ABCD3: variants seen among roughly 807,000 people sequenced by gnomAD.
ABCD3 encodes ATP-binding cassette sub-family D member 3.
A neutral mutation model predicts 105.5 loss-of-function variants in ABCD3; 41 were observed. That is an observed-to-expected ratio of 0.39 (90% CI 0.30 to 0.50). ABCD3 has a LOEUF of 0.50. Ranked by LOEUF, ABCD3 falls within the 20% of genes least tolerant of loss-of-function variation. ABCD3 has a pLI of 0.84. For synonymous variants in ABCD3, 258 were observed against 269.0 expected, an observed-to-expected ratio of 0.96 and a Z score of 0.40; for missense variants, 622 against 806.3, an observed-to-expected ratio of 0.77 and a Z score of 2.77.
chr1:94,515,848 CTTCCT>C (rs1650895621), intron 22 of ABCD3, among the ~76,000 whole-genome samples: 1 of 151,038 alleles, frequency 6.6e-6, no homozygotes. Context: ...TCCTTTCTTC[CTTCCT>C]TTCTTTTCTT....
chr1:94,418,944 CT>C, intron 1 of ABCD3: 1 of 341,576 alleles, frequency 2.9e-6, no homozygotes, highest in South Asian at 3.2e-5. Flanking sequence ...TCTGTGTCAA[CT>C]TTCTGGGTGT....
chr1:94,454,537 A>G (rs974014687), intron 1 of ABCD3, among the ~76,000 whole-genome samples: 22 of 152,150 alleles, frequency 1.4e-4, no homozygotes, highest in African/African-American at 4.8e-4. Flanking sequence ...GGGTCAGAGA[A>G]AGGGTAGATA....
chr1:94,417,331 C>G (rs1156784443), upstream of ABCD3, among the ~76,000 whole-genome samples: 6 of 152,234 alleles, frequency 3.9e-5, no homozygotes. Context: ...TAGGGCACAG[C>G]ACCACTACTT....
At chr1:94,424,553 GC>G (rs1659392283) in intron 1 of ABCD3, among the ~76,000 whole-genome samples, 1 of 152,080 alleles carries the variant, frequency 6.6e-6, no homozygotes, top group South Asian at 2.1e-4. Flanking sequence ...CTCCCAAGTA[GC>G]TAGGACTACA....
At position 94,517,141 on chromosome 1, in the gene ABCD3, G is replaced by A. The variant is rs1382722285; in HGVS notation, c.*12G>A. ...AGTTTGGCTCTTAGAGAAATCTGGA[G>A]AACTATACCTGCTTCAGTGAAATAA... On this transcript the variant is annotated 3_prime_UTR_variant, in exon 23 of 23. Coordinates refer to ENST00000370214, the MANE Select transcript of ABCD3 (RefSeq NM_002858.4). 13 of 1,568,916 alleles carry A rather than the reference G, an allele frequency of 8.3e-6. No individual in the cohort carries two copies. Among genetic ancestry groups the A allele is most frequent in the Non-Finnish European group, 1.1e-5 (13 of 1,140,346 alleles).
intron 2 of ABCD3, among the ~76,000 whole-genome samples, chr1:94,464,368 A>C (rs1648032149): frequency 6.6e-6 from 1 of 152,080 alleles, no homozygotes; most frequent in African/African-American, 2.4e-5. Flanking sequence ...TGGCTAATAC[A>C]AAACTCAGTA....
rs370809648 is a variant in ABCD3, at chr1:94,426,775, C to T, written c.110+8187C>T. 1.4e-4 allele frequency among the ~76,000 whole-genome samples: 21 copies of T among 151,798 alleles called. No individual in the cohort carries two copies. The South Asian group carries it at 1.7e-3, about 12-fold the overall frequency. ...GGCCAGGCTGGTCTTGAACTCCTGA[C>T]CTCAGGTGATCTGCCTACCTCGGCC... On this transcript the variant is annotated intron_variant, in intron 1 of 22. Coordinates refer to ENST00000370214, the MANE Select transcript of ABCD3 (RefSeq NM_002858.4).
chr1:94,494,336 T>A (rs565006125), intron 16 of ABCD3, among the ~76,000 whole-genome samples: 4 of 152,180 alleles, frequency 2.6e-5, no homozygotes. Context: ...TATCCTGTGA[T>A]TCTTGTTTTC....
At position 94,487,784 on chromosome 1, in the gene ABCD3, T is replaced by C; in HGVS notation, c.1058T>C (p.Leu353Pro). The change falls in exon 12 of 23, where the codon CTT (leucine) becomes CCT (proline). Residue 353 changes from leucine to proline, a missense_variant. Leu to Pro is a moderately conservative substitution (Grantham distance 98, BLOSUM62 -3). Transcript: ENST00000370214. ...PRHLKSTHSE[L>P]LEDYYQSGRM... Reference sequence around the variant, plus strand: ...CATCTCAAGAGTACACATTCGGAACTTCTAGAGGTAAACTGATGATAATAC... The same window carrying C: ...CATCTCAAGAGTACACATTCGGAACCTCTAGAGGTAAACTGATGATAATAC... The C allele has an allele frequency of 6.2e-7, 1 of 1,613,842 alleles. No homozygotes were observed. The highest frequency in any genetic ancestry group is 8.5e-7 in the Non-Finnish European group (1 of 1,179,766).
At chr1:94,394,336 A>G in the ABCD3 span, among the ~76,000 whole-genome samples, 1 of 152,190 alleles carries the variant, frequency 6.6e-6, no homozygotes, top group African/African-American at 2.4e-5. Context: ...TAGCCCTGTA[A>G]TAAAACAATG....
At chr1:94,398,611 A>AT in the ABCD3 span, among the ~76,000 whole-genome samples, 236 of 152,156 alleles carry the variant, frequency 1.6e-3, 1 homozygote, top group African/African-American at 5.5e-3. Context: ...AGCCTGATAT[A>AT]TTTTTTAAAA....
chr1:94,479,798 A>G (rs1054824056), intron 8 of ABCD3, among the ~76,000 whole-genome samples: 5 of 152,046 alleles, frequency 3.3e-5, no homozygotes, highest in African/African-American at 4.8e-5. Flanking sequence ...GGAAGTGCCT[A>G]TGATGAACTT....
intron 21 of ABCD3, among the ~76,000 whole-genome samples, chr1:94,508,170 A>C (rs1650461060): frequency 6.6e-6 from 1 of 152,120 alleles, no homozygotes; most frequent in Non-Finnish European, 1.5e-5. Context: ...ATTTTTGTAT[A>C]AGATGTAAGG....
intron 20 of ABCD3, among the ~76,000 whole-genome samples, chr1:94,502,350 AAGAT>A (rs769117715): frequency 1.3e-5 from 2 of 152,208 alleles, no homozygotes; most frequent in Admixed American, 6.5e-5. Context: ...TTTTCAAAGA[AAGAT>A]AGGCTATTAT....
the ABCD3 span, among the ~76,000 whole-genome samples, chr1:94,411,610 TTAAAC>T: frequency 2.0e-5 from 3 of 152,184 alleles, no homozygotes; most frequent in African/African-American, 7.2e-5. Context: ...TTTTAAAAGT[TTAAAC>T]TAAAAAGTTA....
intron 8 of ABCD3, among the ~76,000 whole-genome samples, chr1:94,479,407 A>T (rs929081823): frequency 2.6e-5 from 4 of 151,552 alleles, no homozygotes; most frequent in Non-Finnish European, 5.9e-5. Context: ...GTAGTTGTTG[A>T]TATGCATTGA....
intron 2 of ABCD3, among the ~76,000 whole-genome samples, chr1:94,462,895 A>G (rs978738350): frequency 1.3e-5 from 2 of 152,170 alleles, no homozygotes; most frequent in Non-Finnish European, 2.9e-5. Context: ...AAAGGTAGTT[A>G]ATATGTATCA....
intron 4 of ABCD3, among the ~76,000 whole-genome samples, chr1:94,472,698 C>CA (rs1301967956): frequency 6.6e-6 from 1 of 152,124 alleles, no homozygotes; most frequent in Non-Finnish European, 1.5e-5. Context: ...TAGGATTTCC[C>CA]AAATTTATCC....
intron 20 of ABCD3, among the ~76,000 whole-genome samples, chr1:94,501,457 T>C (rs1650098096): frequency 6.6e-6 from 1 of 152,144 alleles, no homozygotes; most frequent in South Asian, 2.1e-4. Flanking sequence ...ACGCTACAAA[T>C]ACTAACGTTG....
Sources: allele counts gnomAD v4.1 joint callset (sites outside exome capture counted in the v4.1 genomes callset), GRCh38; gene constraint gnomAD v4.1.1; transcripts MANE v1.5; gene names NCBI Gene and HGNC (gene_info 2026-07-23, HGNC 2026-07-21).